NTRK3: variants seen among roughly 807,000 people sequenced by gnomAD.
The protein encoded by NTRK3 is NT-3 growth factor receptor.
Under a neutral mutation model 91.7 loss-of-function variants are expected in NTRK3, and 24 were observed. The observed-to-expected ratio is 0.26, with a 90% confidence interval of 0.19 to 0.37. The LOEUF is 0.37. Ranked by LOEUF, NTRK3 falls within the 10% of genes least tolerant of loss-of-function variation. The probability of loss-of-function intolerance (pLI) is 1.00; values close to 1 mark genes in which losing one functional copy is unlikely to be tolerated. For synonymous variants in NTRK3, 483 were observed against 404.0 expected (o/e 1.20, Z -2.34); for missense variants, 880 against 1,068.9 (o/e 0.82, Z 2.46).
intron 13 of NTRK3, among the ~76,000 whole-genome samples, chr15:88,123,877 A>G (rs1467891703): frequency 6.6e-6 from 1 of 152,234 alleles, no homozygotes; most frequent in Non-Finnish European, 1.5e-5. Flanking sequence ...CAGACAGAAT[A>G]GATTGCAAAT....
chr15:88,188,145 T>C (rs961501530), intron 3 of NTRK3, among the ~76,000 whole-genome samples: 2 of 152,136 alleles, frequency 1.3e-5, no homozygotes, highest in African/African-American at 4.8e-5. Flanking sequence ...GCAGAGTGCA[T>C]GGTGATGGCC....
intron 13 of NTRK3, among the ~76,000 whole-genome samples, chr15:88,109,254 C>T (rs909475592): frequency 6.6e-6 from 1 of 152,196 alleles, no homozygotes; most frequent in African/African-American, 2.4e-5. Context: ...AGCCAGGCCT[C>T]ACGCAGAGGG....
chr15:88,093,495 C>A lies in NTRK3; in HGVS notation c.1396+32776G>T, dbSNP rs78076413. Among the ~76,000 whole-genome samples, 167 of 152,254 alleles carry A rather than the reference C, an allele frequency of 1.1e-3. 1 individual carries two copies. The East Asian group carries it at 0.028, about 25-fold the overall frequency. Reference sequence around the variant, plus strand: ...TTATGGATGGGTGTCAGTTTCTCTCCTTAACAGATGAGGAAACCCATTCCA... The same window carrying A: ...TTATGGATGGGTGTCAGTTTCTCTCATTAACAGATGAGGAAACCCATTCCA... On this transcript the variant is annotated intron_variant, in intron 13 of 18. Transcript: ENST00000394480.
At chr15:88,013,052 C>T (rs991810697) in intron 14 of NTRK3, among the ~76,000 whole-genome samples, 2 of 147,232 alleles carry the variant, frequency 1.4e-5, no homozygotes, top group Non-Finnish European at 3.0e-5. Flanking sequence ...CAGCTGAAAC[C>T]GTGCACTGGT....
At chr15:88,019,548 A>T (rs990238401) in intron 14 of NTRK3, among the ~76,000 whole-genome samples, 1 of 152,178 alleles carries the variant, frequency 6.6e-6, no homozygotes, top group African/African-American at 2.4e-5. Flanking sequence ...TAAACATATG[A>T]CATAATTCTG....
intron 14 of NTRK3, among the ~76,000 whole-genome samples, chr15:88,009,039 T>C (rs1379447954): frequency 6.6e-6 from 1 of 152,170 alleles, no homozygotes; most frequent in Non-Finnish European, 1.5e-5. Context: ...AGGGGACCTC[T>C]AGTTGAGAAG....
At chr15:88,104,514 G>A (rs2050500731) in intron 13 of NTRK3, among the ~76,000 whole-genome samples, 1 of 152,184 alleles carries the variant, frequency 6.6e-6, no homozygotes, top group Non-Finnish European at 1.5e-5. Flanking sequence ...TCTGTCATCA[G>A]CACAATGTTT....
At chr15:88,054,749 A>G (rs1346403573) in intron 13 of NTRK3, among the ~76,000 whole-genome samples, 1 of 152,030 alleles carries the variant, frequency 6.6e-6, no homozygotes, top group African/African-American at 2.4e-5. Flanking sequence ...TTCTGAAAAT[A>G]TTGATGATGA....
chr15:87,893,310 T>C (rs2065941572), intron 17 of NTRK3, among the ~76,000 whole-genome samples: 1 of 152,168 alleles, frequency 6.6e-6, no homozygotes, highest in African/African-American at 2.4e-5. Context: ...AAACCCCATC[T>C]TTTTCATTCA....
At chr15:88,126,828 G>T (rs1309570974) in intron 12 of NTRK3, among the ~76,000 whole-genome samples, 2 of 152,184 alleles carry the variant, frequency 1.3e-5, no homozygotes, top group Non-Finnish European at 2.9e-5. Context: ...GTGGGCGCTT[G>T]AAAACACACC....
chr15:88,091,102 G>C (rs1435545056), intron 13 of NTRK3, among the ~76,000 whole-genome samples: 1 of 152,194 alleles, frequency 6.6e-6, no homozygotes, highest in African/African-American at 2.4e-5. Context: ...CCTCTCCTTA[G>C]ATGTCTGCCC....
At chr15:88,188,599 A>G (rs1303512749) in intron 3 of NTRK3, among the ~76,000 whole-genome samples, 1 of 152,252 alleles carries the variant, frequency 6.6e-6, no homozygotes, top group African/African-American at 2.4e-5. Flanking sequence ...TCAATTTTGA[A>G]AATGACTGCT....
chr15:87,999,094 C>G (rs984674182), intron 14 of NTRK3, among the ~76,000 whole-genome samples: 1 of 152,156 alleles, frequency 6.6e-6, no homozygotes, highest in African/African-American at 2.4e-5. Flanking sequence ...TTCTCTCCCC[C>G]ATGCCAACCC....
intron 17 of NTRK3, among the ~76,000 whole-genome samples, chr15:87,909,418 G>A (rs1016277283): frequency 1.3e-5 from 2 of 152,150 alleles, no homozygotes; most frequent in African/African-American, 4.8e-5. Context: ...AAGCAGCACT[G>A]GAATGACCTG....
rs567399637 is a variant in NTRK3 at position 88,071,741 on chromosome 15, T to C, written c.1397-38696A>G. Among the ~76,000 whole-genome samples, 7 of 152,292 alleles carry C rather than the reference T, an allele frequency of 4.6e-5. No homozygotes were observed. The East Asian group carries it at 1.2e-3, about 25-fold the overall frequency. ...AGCGCTGATGCTCCTTATGGGAGAATACTAGAGAAAATGGATTGACTACCT... is the reference window on the plus strand; with the variant it reads ...AGCGCTGATGCTCCTTATGGGAGAACACTAGAGAAAATGGATTGACTACCT... On this transcript the variant is annotated intron_variant, in intron 13 of 18. Transcript: ENST00000394480.
At chr15:87,934,155 A>G (rs890150279) in intron 15 of NTRK3, among the ~76,000 whole-genome samples, 6 of 152,124 alleles carry the variant, frequency 3.9e-5, no homozygotes, top group Admixed American at 6.5e-5. Flanking sequence ...CCAGATGGAA[A>G]ATGGTCTGTG....
chr15:88,007,894 G>T (rs186211197), intron 14 of NTRK3, among the ~76,000 whole-genome samples: 70 of 152,264 alleles, frequency 4.6e-4, no homozygotes, highest in African/African-American at 1.7e-3. Flanking sequence ...CTATGATGCT[G>T]CATTTCTAGA....
chr15:87,994,381 A>T (rs1191588566), intron 14 of NTRK3, among the ~76,000 whole-genome samples: 1 of 152,222 alleles, frequency 6.6e-6, no homozygotes, highest in African/African-American at 2.4e-5. Context: ...TCCTTATACA[A>T]AGGAAAAATG....
intron 13 of NTRK3, among the ~76,000 whole-genome samples, chr15:88,119,031 G>T (rs1567452455): frequency 6.6e-6 from 1 of 152,214 alleles, no homozygotes; most frequent in Non-Finnish European, 1.5e-5. Flanking sequence ...TTTTGCATCA[G>T]CCTCTATTTC....
Sources: allele counts gnomAD v4.1 joint callset (sites outside exome capture counted in the v4.1 genomes callset), GRCh38; gene constraint gnomAD v4.1.1; transcripts MANE v1.5; gene names NCBI Gene and HGNC (gene_info 2026-07-23, HGNC 2026-07-21).